ANK1: variants seen among roughly 807,000 people sequenced by gnomAD.
The protein encoded by ANK1 is ankyrin-1.
In ANK1, 51 loss-of-function variants were observed where a neutral mutation model predicts 210.4. That is an observed-to-expected ratio of 0.24 (90% CI 0.19 to 0.31). ANK1 has a LOEUF of 0.31. ANK1 is among the 10% of genes least tolerant of loss of function. ANK1 has a pLI of 1.00. For missense variants in ANK1, 2,051 were observed against 2,504.4 expected (o/e 0.82, Z 3.86); for synonymous variants, 967 against 1,025.9 (o/e 0.94, Z 1.10).
At chr8:41,823,819 T>C (rs1804882487) in intron 1 of ANK1, among the ~76,000 whole-genome samples, 1 of 152,146 alleles carries the variant, frequency 6.6e-6, no homozygotes, top group Admixed American at 6.5e-5. Flanking sequence ...TGAAGTCCAC[T>C]CTCTGCACCT....
At chr8:41,722,999 T>A (rs574732402) in intron 9 of ANK1, 126 bp downstream of exon 9, 2 of 868,360 alleles carry the variant, frequency 2.3e-6, no homozygotes, top group East Asian at 2.5e-5. Context: ...TTGTAATAAA[T>A]GTCAAAGGTG....
chr8:41,845,893 T>C (rs188146372), intron 1 of ANK1, among the ~76,000 whole-genome samples: 287 of 152,362 alleles, frequency 1.9e-3, no homozygotes, highest in Non-Finnish European at 3.6e-3. Flanking sequence ...TTGCAGAATG[T>C]TGATATATCA....
intron 1 of ANK1, among the ~76,000 whole-genome samples, chr8:41,855,408 G>A (rs1044066946): frequency 4.6e-5 from 7 of 152,310 alleles, no homozygotes; most frequent in Non-Finnish European, 8.8e-5. Context: ...AGAAAGATAC[G>A]TAACAAAGCA....
At position 41,655,140 on chromosome 8, in the gene ANK1, G is replaced by GAAAAAA; in HGVS notation, c.*649_*650insTTTTTT. On this transcript the variant is annotated 3_prime_UTR_variant, in exon 43 of 43. Transcript: ENST00000289734. ...CAGTGGAGGCGAGTGGTGTGTGTGT[G>GAAAAAA]TGTGTGTGTGTGTCCTGAATGTCAT... 1 of 148,402 alleles carries GAAAAAA rather than the reference G, an allele frequency of 6.7e-6. No homozygotes were observed. The highest frequency in any genetic ancestry group is 1.5e-5 in the Non-Finnish European group (1 of 66,826). 9.2% of individuals were successfully genotyped at this position (148,402 alleles called of 1,614,324 possible).
intron 30 of ANK1, 44 bp from the exon 31 acceptor site, chr8:41,692,920 G>A (rs774850864): frequency 6.3e-7 from 1 of 1,589,118 alleles, no homozygotes. Flanking sequence ...GCCCAACAGA[G>A]AGCATCCTTT....
In ANK1 at chr8:41,661,487, G is replaced by T. The variant is rs1240986387; in HGVS notation, c.5622C>A (p.Ser1874Arg). ...GGGGTCACTGTTTCCCCCTTTTCAG[G>T]CTGGCCCGCTTCACTATCTGCGCCC... ...RKGAQIVKRA[S>R]LKRGKQ is the part of the protein sequence containing the mutation. Residue 1874 changes from serine (S) to arginine (R), a missense_variant, in exon 42 of 43, where the codon AGC becomes AGA. Physicochemically the swap from Ser to Arg is moderately radical, Grantham distance 110. Around this residue, in one of 6 missense-constraint regions of ANK1, gnomAD observed 496 missense variants for 533.4 expected, o/e 0.93. Transcript: ENST00000289734. 1 of 1,614,004 alleles carries T rather than the reference G, an allele frequency of 6.2e-7. No homozygotes were observed. Among genetic ancestry groups the T allele is most frequent in the African/African-American group, 1.3e-5 (1 of 75,044 alleles).
intron 1 of ANK1, 55 bp from the exon 2 acceptor site, chr8:41,758,192 A>G (rs569107370): frequency 6.6e-7 from 1 of 1,516,616 alleles, no homozygotes; most frequent in African/African-American, 1.4e-5. Context: ...TGACTTCTCC[A>G]CCCCGTTCAA....
intron 1 of ANK1, among the ~76,000 whole-genome samples, chr8:41,815,071 G>T (rs1157659147): frequency 6.6e-6 from 1 of 152,092 alleles, no homozygotes; most frequent in Non-Finnish European, 1.5e-5. Context: ...ATATCAAAAG[G>T]TTTAAACATT....
At position 41,719,650 on chromosome 8, in the gene ANK1, C is replaced by A. The variant is rs780500608; in HGVS notation, c.1107+11G>T. On this transcript the variant is annotated intron_variant, in intron 10 of 42. Coordinates refer to ENST00000289734, the MANE Select transcript of ANK1 (RefSeq NM_000037.4). ...CCACTCTGCACCTTCTCCAGCAGCA[C>A]CCCCACTCACCAGGGCTCTGGAGTT... The A allele has an allele frequency of 1.1e-5, 18 of 1,614,118 alleles. No homozygotes were observed. Among genetic ancestry groups the A allele is most frequent in the Non-Finnish European group, 1.4e-5 (16 of 1,179,996 alleles).
intron 1 of ANK1, among the ~76,000 whole-genome samples, chr8:41,874,660 A>T (rs1331621024): frequency 6.6e-6 from 1 of 152,108 alleles, no homozygotes; most frequent in Non-Finnish European, 1.5e-5. Flanking sequence ...GCCCTAGCTG[A>T]TCTGTCACTA....
chr8:41,836,358 T>C (rs1309069515), intron 1 of ANK1, among the ~76,000 whole-genome samples: 8 of 152,244 alleles, frequency 5.3e-5, no homozygotes, highest in African/African-American at 1.9e-4. Flanking sequence ...AGGTTTCCAT[T>C]CTCCAGAGAT....
intron 24 of ANK1, chr8:41,697,751 G>A: frequency 2.0e-6 from 1 of 490,810 alleles, no homozygotes; most frequent in East Asian, 4.0e-5. Context: ...TGAAGACAGT[G>A]GGCTGGTCAA....
chr8:41,746,155 C>G (rs571133), intron 2 of ANK1, among the ~76,000 whole-genome samples: 40,129 of 152,178 alleles, frequency 0.26, 6,139 homozygotes, highest in East Asian at 0.55. Context: ...GGAGGGCAGG[C>G]CTCTCGTTCT....
intron 42 of ANK1, chr8:41,660,449 T>C (rs1387158920): frequency 2.1e-6 from 1 of 467,010 alleles, no homozygotes; most frequent in Admixed American, 2.4e-5. Flanking sequence ...AGGTATCCTG[T>C]ACTGAGCTGC....
At chr8:41,709,259 C>A (rs1171775347) in intron 16 of ANK1, among the ~76,000 whole-genome samples, 1 of 152,212 alleles carries the variant, frequency 6.6e-6, no homozygotes, top group Non-Finnish European at 1.5e-5. Context: ...AACAGGAAGG[C>A]TGGGTAAGGA....
chr8:41,759,757 T>C (rs1486368844), intron 1 of ANK1, among the ~76,000 whole-genome samples: 1 of 152,154 alleles, frequency 6.6e-6, no homozygotes, highest in Non-Finnish European at 1.5e-5. Context: ...CTATAATATA[T>C]ATTCACACAC....
intron 1 of ANK1, among the ~76,000 whole-genome samples, chr8:41,882,348 G>C (rs1817737183): frequency 6.6e-6 from 1 of 152,134 alleles, no homozygotes. Context: ...AGCCACAGTA[G>C]AGGGTTCCAG....
At chr8:41,772,993 A>G (rs1843250460) in intron 1 of ANK1, among the ~76,000 whole-genome samples, 3 of 152,192 alleles carry the variant, frequency 2.0e-5, no homozygotes, top group Admixed American at 6.5e-5. Context: ...ATTAACTAGG[A>G]AGGAACTTTA....
chr8:41,839,486 A>G (rs141422099), intron 1 of ANK1, among the ~76,000 whole-genome samples: 187 of 152,372 alleles, frequency 1.2e-3, no homozygotes, highest in Middle Eastern at 0.01. Flanking sequence ...AAAACTGTGA[A>G]ACAGTGTTTA....
Sources: allele counts gnomAD v4.1 joint callset (sites outside exome capture counted in the v4.1 genomes callset), GRCh38; gene constraint gnomAD v4.1.1; regional missense constraint gnomAD v4.1.1; transcripts MANE v1.5; gene names NCBI Gene and HGNC (gene_info 2026-07-23, HGNC 2026-07-21).